Variants in DIP2B observed in about 807,000 individuals in gnomAD.
The protein encoded by DIP2B is disco-interacting protein 2 homolog B.
In DIP2B, 76 loss-of-function variants were observed where a neutral mutation model predicts 198.0. That is an observed-to-expected ratio of 0.38 (90% CI 0.32 to 0.46). The LOEUF is 0.46. Ranked by LOEUF, DIP2B falls within the 20% of genes least tolerant of loss-of-function variation. The pLI, the probability that DIP2B is intolerant of heterozygous loss-of-function variation, is 0.99. For synonymous variants in DIP2B, 701 were observed against 739.1 expected, an observed-to-expected ratio of 0.95 and a Z score of 0.84; for missense variants, 1,559 against 1,978.4, an observed-to-expected ratio of 0.79 and a Z score of 4.02.
intron 1 of DIP2B, among the ~76,000 whole-genome samples, chr12:50,613,392 A>T (rs928203756): frequency 8.5e-5 from 13 of 152,230 alleles, no homozygotes; most frequent in African/African-American, 2.9e-4. Flanking sequence ...ATTCCTGTGC[A>T]GAAAGAAATT....
rs539087363 is a variant in DIP2B at position 50,713,934 on chromosome 12, GA to G, written c.2650-453del. 1.1e-4 allele frequency among the ~76,000 whole-genome samples: 16 copies of G among 151,968 alleles called. No individual in the cohort carries two copies. In the South Asian group the frequency reaches 2.7e-3, roughly 26 times the overall value. On this transcript the variant is annotated intron_variant, in intron 22 of 37. Transcript: ENST00000301180. ...AACCTTAAAATTAAAAAAAAGAAAA[GA>G]AAAAAAATTATTTTAAATTAGCCAG... is the stretch of plus-strand genomic sequence containing the variant.
chr12:50,556,376 ACTC>A (rs1958471450), intron 1 of DIP2B, among the ~76,000 whole-genome samples: 1 of 149,850 alleles, frequency 6.7e-6, no homozygotes, highest in African/African-American at 2.5e-5. Context: ...AGCCCGGCCG[ACTC>A]CTCATCTTTT....
At chr12:50,567,112 T>C (rs1168054995) in intron 1 of DIP2B, among the ~76,000 whole-genome samples, 1 of 152,184 alleles carries the variant, frequency 6.6e-6, no homozygotes, top group East Asian at 1.9e-4. Flanking sequence ...TTTGACACAC[T>C]TTTCTGTTGT....
chr12:50,544,657 A>C (rs1958360076), intron 1 of DIP2B, among the ~76,000 whole-genome samples: 1 of 139,302 alleles, frequency 7.2e-6, no homozygotes, highest in Non-Finnish European at 1.5e-5. Context: ...GGAGTCTGTC[A>C]CCCAGGCTGG....
chr12:50,549,459 G>C (rs1002363943), intron 1 of DIP2B, among the ~76,000 whole-genome samples: 1 of 152,038 alleles, frequency 6.6e-6, no homozygotes. Context: ...GAACCTGGGA[G>C]GTGGAGCTTG....
At chr12:50,633,714 C>T (rs569607197) in intron 2 of DIP2B, among the ~76,000 whole-genome samples, 47 of 152,184 alleles carry the variant, frequency 3.1e-4, no homozygotes, top group East Asian at 3.9e-4. Flanking sequence ...TGCAGTGAGC[C>T]GTGATTGTGC....
chr12:50,559,445 A>C (rs1271239542), intron 1 of DIP2B, among the ~76,000 whole-genome samples: 1 of 151,940 alleles, frequency 6.6e-6, no homozygotes, highest in Admixed American at 6.6e-5. Context: ...TGGTCCTTAA[A>C]AAAAATATTA....
intron 36 of DIP2B, 117 bp from the exon 37 acceptor site, chr12:50,741,299 C>G: frequency 7.7e-7 from 1 of 1,292,548 alleles, no homozygotes; most frequent in African/African-American, 1.5e-5. Flanking sequence ...CAGAGTTACA[C>G]AGTTGGTAGG....
intron 1 of DIP2B, among the ~76,000 whole-genome samples, chr12:50,559,768 A>T (rs1483135623): frequency 6.7e-6 from 1 of 149,100 alleles, no homozygotes; most frequent in Non-Finnish European, 1.5e-5. Flanking sequence ...ATAGGTCTTT[A>T]ACACTTACAA....
chr12:50,599,427 C>T (rs1377782062), intron 1 of DIP2B, among the ~76,000 whole-genome samples: 1 of 152,116 alleles, frequency 6.6e-6, no homozygotes, highest in Non-Finnish European at 1.5e-5. Flanking sequence ...ACCAGCTTGA[C>T]CAACATGGTG....
At chr12:50,744,191 G>A (rs1299696338) in intron 37 of DIP2B, among the ~76,000 whole-genome samples, 9 of 152,032 alleles carry the variant, frequency 5.9e-5, no homozygotes, top group East Asian at 1.9e-4. Flanking sequence ...TAGTAGAGGC[G>A]GGATTTCGCC....
At chr12:50,597,327 C>T (rs1958887336) in intron 1 of DIP2B, among the ~76,000 whole-genome samples, 1 of 152,188 alleles carries the variant, frequency 6.6e-6, no homozygotes, top group African/African-American at 2.4e-5. Context: ...GAAAATCTGG[C>T]ATCTTATATT....
rs567223296 is a variant in DIP2B, at chr12:50,515,308, C to T, written c.100+10068C>T. On this transcript the variant is annotated intron_variant, in intron 1 of 37. Coordinates refer to ENST00000301180, the MANE Select transcript of DIP2B (RefSeq NM_173602.3). ...GGAGTGCAATGGCACAATCTCAGCT[C>T]ACTGCAACCCCCTCTCCCGGGTTAA... 1.1e-4 allele frequency among the ~76,000 whole-genome samples: 17 copies of T among 151,222 alleles called. No homozygotes were observed. The South Asian group carries it at 3.4e-3, about 30-fold the overall frequency.
At position 50,578,143 on chromosome 12, in the gene DIP2B, CTGGGACACAGACG is replaced by C. The variant is rs565192030; in HGVS notation, c.101-47830_101-47818del. On this transcript the variant is annotated intron_variant, in intron 1 of 37. Coordinates refer to ENST00000301180, the MANE Select transcript of DIP2B (RefSeq NM_173602.3). The stretch of plus-strand genomic sequence containing the variant: ...TCTCATGCCTCAGCCTCCCAAGTAG[CTGGGACACAGACG>C]TGCACCACAGCCAGCTAATTTTTGT... Among the ~76,000 whole-genome samples, 222 of 152,282 alleles carry C rather than the reference CTGGGACACAGACG, an allele frequency of 1.5e-3. 2 individuals carry two copies. Among genetic ancestry groups the C allele is most frequent in the Admixed American group, 0.012 (176 of 15,300 alleles).
intron 4 of DIP2B, among the ~76,000 whole-genome samples, chr12:50,663,579 T>TAAATAAATAAATAAAA (rs1938693645): frequency 6.6e-6 from 1 of 150,556 alleles, no homozygotes; most frequent in African/African-American, 2.4e-5. Context: ...AATAAATAAA[T>TAAATAAATAAATAAAA]AAAACAGTTG....
At chr12:50,595,678 A>T (rs911604799) in intron 1 of DIP2B, among the ~76,000 whole-genome samples, 1 of 152,250 alleles carries the variant, frequency 6.6e-6, no homozygotes, top group African/African-American at 2.4e-5. Flanking sequence ...AATACTACAT[A>T]CATGTTCCTC....
chr12:50,506,955 G>A (rs144710942), intron 1 of DIP2B, among the ~76,000 whole-genome samples: 1 of 152,272 alleles, frequency 6.6e-6, no homozygotes, highest in African/African-American at 2.4e-5. Flanking sequence ...GGGAAATCCT[G>A]GAAGCTCCTT....
intron 1 of DIP2B, among the ~76,000 whole-genome samples, chr12:50,569,390 T>G (rs996889626): frequency 3.9e-5 from 6 of 152,236 alleles, no homozygotes; most frequent in African/African-American, 1.4e-4. Flanking sequence ...AATTACTTTT[T>G]GTTACTGAAA....
At chr12:50,712,849 A>G (rs1464768430) in intron 22 of DIP2B, among the ~76,000 whole-genome samples, 1 of 152,224 alleles carries the variant, frequency 6.6e-6, no homozygotes, top group Non-Finnish European at 1.5e-5. Flanking sequence ...CGGAGGTTGC[A>G]GTGAGCTGAG....
Sources: allele counts gnomAD v4.1 joint callset (sites outside exome capture counted in the v4.1 genomes callset), GRCh38; gene constraint gnomAD v4.1.1; transcripts MANE v1.5; gene names NCBI Gene and HGNC (gene_info 2026-07-23, HGNC 2026-07-21).